The following PDE6B variants were observed in gnomAD, a reference collection of about 807,000 sequenced individuals.
PDE6B encodes the protein phosphodiesterase 6B.
In PDE6B, 106 loss-of-function variants were observed where a neutral mutation model predicts 109.0. The ratio of observed to expected loss-of-function variants is 0.97; its 90% CI spans 0.83 to 1.14. The LOEUF (loss-of-function observed/expected upper bound fraction) is 1.14, where lower values mean the gene tolerates loss of function less well. Among genes scored for constraint, PDE6B ranks in the 50% most tolerant of loss-of-function variants. PDE6B has a pLI of 0.00. For missense variants in PDE6B, 1,193 were observed against 1,155.6 expected, an observed-to-expected ratio of 1.03 and a Z score of -0.47; for synonymous variants, 490 against 471.3, an observed-to-expected ratio of 1.04 and a Z score of -0.51.
At chr4:654,675 A>G in intron 5 of PDE6B, 149 bp from the exon 6 acceptor site, 1 of 761,982 alleles carries the variant, frequency 1.3e-6, no homozygotes. Flanking sequence ...CGGCGGAGAC[A>G]TCTGTTCACG....
rs530067403 is a variant in PDE6B at position 665,628 on chromosome 4, C to T, written c.2268+299C>T. The stretch of plus-strand genomic sequence containing the variant: ...CTCTGCAGGTGAACCCCAGCAGGGC[C>T]GCGAGCCATGCACCAAGAAAGCCCT... On this transcript the variant is annotated intron_variant, in intron 19 of 21. Transcript: ENST00000496514. This position sits in a 1 kb window ranked among gnomAD's most constrained non-coding sequence, Gnocchi z 4.0. 2.0e-4 allele frequency among the ~76,000 whole-genome samples: 30 copies of T among 152,206 alleles called. No homozygotes were observed. Among genetic ancestry groups the T allele is most frequent in the Admixed American group, 5.2e-4 (8 of 15,298 alleles).
rs552044347 is a variant in PDE6B, at chr4:665,748, G to T, written c.2268+419G>T. Among the ~76,000 whole-genome samples the T allele has an allele frequency of 2.0e-5, 3 of 152,346 alleles. No individual in the cohort carries two copies. Among genetic ancestry groups the T allele is most frequent in the African/African-American group, 7.2e-5 (3 of 41,590 alleles). On this transcript the variant is annotated intron_variant, in intron 19 of 21. Coordinates refer to ENST00000496514, the MANE Select transcript of PDE6B (RefSeq NM_000283.4). This position sits in a 1 kb window ranked among gnomAD's most constrained non-coding sequence, Gnocchi z 4.0. ...CCAGGGTCCTCAGGTCAGCAGCGGG[G>T]TCTGGATACCTCCTGGCAGCAGGAG...
chr4:627,661 G>A (rs1019516190), intron 1 of PDE6B, among the ~76,000 whole-genome samples: 2 of 87,054 alleles, frequency 2.3e-5, no homozygotes, highest in East Asian at 3.0e-4. Context: ...CCCTCCCCCC[G>A]TTCCCTCCTC....
chr4:653,622 C>T (rs1335795418), intron 3 of PDE6B: 16 of 615,410 alleles, frequency 2.6e-5, no homozygotes, highest in East Asian at 5.6e-5. Flanking sequence ...ATCAGGGACA[C>T]GACCGCAGCC....
chr4:643,324 A>AG (rs1346150593), intron 3 of PDE6B, among the ~76,000 whole-genome samples: 1 of 152,170 alleles, frequency 6.6e-6, no homozygotes, highest in African/African-American at 2.4e-5. Context: ...AGAAAAAAAA[A>AG]AAGAATTTTT....
Position 626,933 on chromosome 4 carries a change from A to G in PDE6B, c.468+839A>G, listed in dbSNP as rs911993533. Among the ~76,000 whole-genome samples, 6 of 152,064 alleles carry G rather than the reference A, an allele frequency of 3.9e-5. No individual in the cohort carries two copies. Among genetic ancestry groups the G allele is most frequent in the Non-Finnish European group, 7.4e-5 (5 of 67,992 alleles). ...CAAGGGGGCTCTGAGGAAGAAGGGG[A>G]GGGGGGAAGCCCCTTCTCCCTGTCC... On this transcript the variant is annotated intron_variant, in intron 1 of 21. Coordinates refer to ENST00000496514, the MANE Select transcript of PDE6B (RefSeq NM_000283.4). This position sits in a 1 kb window ranked among gnomAD's most constrained non-coding sequence, Gnocchi z 4.6.
Position 660,507 on chromosome 4 carries a change from A to T in PDE6B, c.1508A>T (p.Glu503Val). The change falls in exon 12 of 22, where the codon GAA (glutamate) becomes GTA (valine). Residue 503 changes from glutamate to valine, a missense_variant. By Grantham distance (121) the Glu-to-Val change is moderately radical (BLOSUM62 -2). Coordinates refer to ENST00000496514, the MANE Select transcript of PDE6B (RefSeq NM_000283.4). Reference protein sequence around the residue: ...LPGPTTFDIYEFHFSDLECTE... With the variant: ...LPGPTTFDIYVFHFSDLECTE... ...GGGCCCACCACATTTGACATCTACG[A>T]ATTCCACTTCTCTGACCTGGAGTGC... 1 of 1,613,884 alleles carries T rather than the reference A, an allele frequency of 6.2e-7. No individual in the cohort carries two copies. The highest frequency in any genetic ancestry group is 2.2e-5 in the East Asian group (1 of 44,872).
At chr4:658,863 T>C in intron 10 of PDE6B, 89 bp from the exon 11 acceptor site, 1 of 937,830 alleles carries the variant, frequency 1.1e-6, no homozygotes, top group Non-Finnish European at 1.7e-6. Context: ...GACAGCACCT[T>C]CCTCTAGCTC....
At chr4:659,298 C>T (rs1021603379) in intron 11 of PDE6B, among the ~76,000 whole-genome samples, 1 of 152,194 alleles carries the variant, frequency 6.6e-6, no homozygotes, top group South Asian at 2.1e-4. Flanking sequence ...TTCCTGTCTC[C>T]TCTGTGCTTT....
In PDE6B at chr4:636,107, A is replaced by G; in HGVS notation, c.711+138A>G. The G allele has an allele frequency of 1.5e-6, 1 of 667,164 alleles. No homozygotes were observed. The highest frequency in any genetic ancestry group is 2.7e-6 in the Non-Finnish European group (1 of 365,924). The allele number at this position is 667,164 out of a possible 1,614,324, so 41.3% of individuals were successfully genotyped here. On this transcript the variant is annotated intron_variant, in intron 3 of 21. Coordinates refer to ENST00000496514, the MANE Select transcript of PDE6B (RefSeq NM_000283.4). This position sits in a 1 kb window ranked among gnomAD's most constrained non-coding sequence, Gnocchi z 4.5. ...TCCTGGGGTGGGCATTGCTCAGGGG[A>G]GAGGAGGGCTCCATGGCTTCTGTGG...
intron 12 of PDE6B, chr4:661,588 T>A (rs1386552260): frequency 6.5e-6 from 1 of 155,018 alleles, no homozygotes; most frequent in African/African-American, 2.4e-5. Context: ...GGGAAAACAC[T>A]CAAGAAAAAA....
At position 663,797 on chromosome 4, in the gene PDE6B, C is replaced by T. The variant is rs1437154616; in HGVS notation, c.1948C>T (p.Arg650Trp). The change falls in exon 16 of 22, where the codon CGG (arginine) becomes TGG (tryptophan). Residue 650 changes from arginine to tryptophan, a missense_variant. Physicochemically the swap from Arg to Trp is moderately radical, Grantham distance 101 (BLOSUM62 -3). Coordinates refer to ENST00000496514, the MANE Select transcript of PDE6B (RefSeq NM_000283.4). This position sits in a 1 kb window ranked among gnomAD's most constrained non-coding sequence, Gnocchi z 4.0. ...CCTGAACATCTACCAGAACCTGAAC[C>T]GGCGGCAGCACGAGCACGTGATCCA... Reference protein sequence around the residue: ...ETLNIYQNLNRRQHEHVIHLM... With the variant: ...ETLNIYQNLNWRQHEHVIHLM... 6.2e-7 allele frequency: 1 copy of T among 1,612,182 alleles called. No homozygotes were observed. Among genetic ancestry groups the T allele is most frequent in the South Asian group, 1.1e-5 (1 of 91,070 alleles).
chr4:661,083 A>ATGGGTGGGTGGGCCATGG lies in PDE6B; in HGVS notation c.1614+471_1614+472insGGGTGGGTGGGCCATGGT. ...GTTAGATGGTTGGATAAGTGAATGG[A>ATGGGTGGGTGGGCCATGG]TAGGTGGATGGATGGAGAAGTGGGT... On this transcript the variant is annotated intron_variant, in intron 12 of 21. Transcript: ENST00000496514. 1.7e-3 allele frequency: 245 copies of ATGGGTGGGTGGGCCATGG among 143,304 alleles called. 1 individual carries two copies. Among genetic ancestry groups the ATGGGTGGGTGGGCCATGG allele is most frequent in the South Asian group, 7.8e-3 (42 of 5,408 alleles). The allele number at this position is 143,304 out of a possible 1,614,324, so 8.9% of individuals were successfully genotyped here.
chr4:631,032 G>A (rs1217028278), intron 1 of PDE6B, among the ~76,000 whole-genome samples: 3 of 152,230 alleles, frequency 2.0e-5, no homozygotes, highest in African/African-American at 7.2e-5. Flanking sequence ...GAAGGCAGGG[G>A]ACCCAGGAGC....
At position 654,264 on chromosome 4, in the gene PDE6B, C is replaced by G. The variant is rs1418225821; in HGVS notation, c.927+110C>G. ...GGGGTGGGGTTTAGGGAGGTGGGAA[C>G]TGGCCGGTGGGACCCCGGGTGCCTG... On this transcript the variant is annotated intron_variant, in intron 5 of 21. Transcript: ENST00000496514. 5.9e-6 allele frequency: 6 copies of G among 1,008,616 alleles called. No homozygotes were observed. In the East Asian group the frequency reaches 1.5e-4, roughly 26 times the overall value. 62.5% of individuals were successfully genotyped at this position (1,008,616 alleles called of 1,614,324 possible).
At chr4:628,168 A>G (rs1734209141) in intron 1 of PDE6B, among the ~76,000 whole-genome samples, 1 of 151,930 alleles carries the variant, frequency 6.6e-6, no homozygotes, top group African/African-American at 2.4e-5. Flanking sequence ...GCAAATCTTC[A>G]TGAAGTGCAA....
At chr4:657,061 C>T in intron 9 of PDE6B, 38 bp downstream of exon 9, 1 of 1,604,110 alleles carries the variant, frequency 6.2e-7, no homozygotes, top group Non-Finnish European at 8.5e-7. Flanking sequence ...CCGGGGATGC[C>T]CTGCGAGGGG....
chr4:666,124 G>A lies in PDE6B; in HGVS notation c.2269-407G>A, dbSNP rs1162209658. 3.9e-5 allele frequency among the ~76,000 whole-genome samples: 6 copies of A among 152,156 alleles called. No homozygotes were observed. The South Asian group carries it at 8.3e-4, about 21-fold the overall frequency. On this transcript the variant is annotated intron_variant, in intron 19 of 21. Transcript: ENST00000496514. The surrounding 1 kb of genome is among the most constrained non-coding windows in gnomAD (Gnocchi z 5.6). ...GACACTAGAAACAGCTCCAGAGCAC[G>A]TCTGTGTCTGCCCCAGGCGAGTGCA... is the stretch of plus-strand genomic sequence containing the variant.
chr4:632,493 G>A (rs927738693), intron 1 of PDE6B, among the ~76,000 whole-genome samples: 6 of 150,156 alleles, frequency 4.0e-5, no homozygotes, highest in Admixed American at 4.0e-4. Context: ...TCTGGATCAC[G>A]TTTTGTGGAT....
Sources: allele counts gnomAD v4.1 joint callset (sites outside exome capture counted in the v4.1 genomes callset), GRCh38; gene constraint gnomAD v4.1.1; non-coding constraint Gnocchi (gnomAD v3.1); transcripts MANE v1.5; gene names NCBI Gene and HGNC (gene_info 2026-07-23, HGNC 2026-07-21).